Variants in GSG1L observed in about 807,000 individuals in gnomAD.
GSG1L encodes germ cell-specific gene 1-like protein.
In GSG1L, 24 loss-of-function variants were observed where a neutral mutation model predicts 42.1. The ratio of observed to expected loss-of-function variants is 0.57; its 90% CI spans 0.41 to 0.80. GSG1L has a LOEUF of 0.80. GSG1L is among the 30% of genes least tolerant of loss of function. GSG1L has a pLI of 0.00. For synonymous variants in GSG1L, 215 were observed against 203.5 expected (o/e 1.06, Z -0.48); for missense variants, 445 against 472.2 (o/e 0.94, Z 0.53).
intron 1 of GSG1L, among the ~76,000 whole-genome samples, chr16:27,995,540 A>G (rs1323518353): frequency 1.3e-5 from 2 of 152,156 alleles, no homozygotes; most frequent in African/African-American, 4.8e-5. Context: ...GAAACCTAAT[A>G]TCAGAAAGAT....
chr16:27,844,902 C>T, intron 4 of GSG1L, 48 bp downstream of exon 4: 1 of 1,080,694 alleles, frequency 9.3e-7, no homozygotes, highest in Non-Finnish European at 1.3e-6. Context: ...CCCAGCGTGC[C>T]TTGGGCCCTG....
At chr16:28,039,969 T>G (rs2086088899) in intron 1 of GSG1L, among the ~76,000 whole-genome samples, 1 of 152,156 alleles carries the variant, frequency 6.6e-6, no homozygotes, top group African/African-American at 2.4e-5. Context: ...TCCCTCGTTT[T>G]TCTCCATCTC....
intron 5 of GSG1L, 41 bp downstream of exon 5, chr16:27,828,748 G>C: frequency 6.3e-7 from 1 of 1,586,162 alleles, no homozygotes; most frequent in South Asian, 1.1e-5. Context: ...GTGGGCTTTA[G>C]AGTCCCCGTG....
chr16:27,855,784 T>C (rs1180081677), intron 3 of GSG1L, among the ~76,000 whole-genome samples: 1 of 150,806 alleles, frequency 6.6e-6, no homozygotes, highest in Non-Finnish European at 1.5e-5. Flanking sequence ...TGTGAGTTTC[T>C]GCTCCAGTGG....
intron 1 of GSG1L, among the ~76,000 whole-genome samples, chr16:28,007,968 A>AAC (rs2085664928): frequency 6.6e-6 from 1 of 152,216 alleles, no homozygotes; most frequent in Admixed American, 6.5e-5. Flanking sequence ...AAGGGTGTTA[A>AAC]GTGAAAGTAC....
intron 4 of GSG1L, among the ~76,000 whole-genome samples, chr16:27,830,810 C>T (rs1002616437): frequency 6.6e-6 from 1 of 152,226 alleles, no homozygotes; most frequent in Non-Finnish European, 1.5e-5. Flanking sequence ...ATGATGGAAA[C>T]TCAGAACCCG....
intron 2 of GSG1L, among the ~76,000 whole-genome samples, chr16:27,926,734 T>G (rs1045368210): frequency 6.6e-6 from 1 of 152,022 alleles, no homozygotes. Context: ...GGAATCCCAC[T>G]GGAGAAGCAA....
At chr16:27,847,479 T>A (rs2083456526) in intron 3 of GSG1L, among the ~76,000 whole-genome samples, 1 of 152,146 alleles carries the variant, frequency 6.6e-6, no homozygotes. Context: ...CCAGGAGTGT[T>A]GAGTCCAGGG....
At chr16:28,006,094 G>A (rs2085634239) in intron 1 of GSG1L, among the ~76,000 whole-genome samples, 3 of 152,066 alleles carry the variant, frequency 2.0e-5, no homozygotes, top group Admixed American at 2.0e-4. Context: ...TGGAGAAGAC[G>A]GGGTGGGGGG....
rs530117582 is a variant in GSG1L, at chr16:28,000,136, A to G, written c.350-36933T>C. Among the ~76,000 whole-genome samples the G allele has an allele frequency of 1.1e-4, 16 of 152,292 alleles. No homozygotes were observed. In the East Asian group the frequency reaches 3.1e-3, roughly 29 times the overall value. On this transcript the variant is annotated intron_variant, in intron 1 of 6. Transcript: ENST00000447459. The stretch of plus-strand genomic sequence containing the variant: ...GTCTGCAGCATAGAACCAGCCCTTA[A>G]CCATTACTTGCTCACATGTGACATT...
chr16:27,853,205 A>G (rs1426790556), intron 3 of GSG1L, among the ~76,000 whole-genome samples: 4 of 152,212 alleles, frequency 2.6e-5, no homozygotes, highest in Non-Finnish European at 5.9e-5. Flanking sequence ...GACGGAGACC[A>G]AAGCCTGGCT....
intron 1 of GSG1L, among the ~76,000 whole-genome samples, chr16:27,997,618 G>C (rs190274114): frequency 6.6e-5 from 10 of 151,810 alleles, no homozygotes; most frequent in African/African-American, 2.4e-4. Context: ...TCACGGGTTG[G>C]GTTACAAAGT....
chr16:28,040,544 G>C lies in GSG1L; in HGVS notation c.349+22532C>G, dbSNP rs1172016374. 6.6e-6 allele frequency among the ~76,000 whole-genome samples: 1 copy of C among 152,190 alleles called. No individual in the cohort carries two copies. The highest frequency in any genetic ancestry group is 1.9e-4 in the East Asian group (1 of 5,196). ...AATAATAATAATAGAAAAAAATGGT[G>C]CCTGGCATACAGTATGCACTCAAAA... On this transcript the variant is annotated intron_variant, in intron 1 of 6. Coordinates refer to ENST00000447459, the MANE Select transcript of GSG1L (RefSeq NM_001109763.2). This position sits in a 1 kb window ranked among gnomAD's most constrained non-coding sequence, Gnocchi z 4.1.
At chr16:27,854,326 A>AGGGGGAGGAGGAGGGGGACG (rs2083548540) in intron 3 of GSG1L, among the ~76,000 whole-genome samples, 1 of 90,650 alleles carries the variant, frequency 1.1e-5, no homozygotes, top group African/African-American at 4.5e-5. Context: ...GAGAAGGAAA[A>AGGGGGAGGAGGAGGGGGACG]GGGGGAGGAG....
At chr16:27,836,198 T>C (rs2083318720) in intron 4 of GSG1L, among the ~76,000 whole-genome samples, 1 of 152,152 alleles carries the variant, frequency 6.6e-6, no homozygotes, top group Non-Finnish European at 1.5e-5. Flanking sequence ...CTAGCCTCCA[T>C]GGTTTCTGAT....
At chr16:28,031,773 G>A (rs571787161) in intron 1 of GSG1L, among the ~76,000 whole-genome samples, 3 of 152,222 alleles carry the variant, frequency 2.0e-5, no homozygotes, top group South Asian at 4.1e-4. Context: ...AGTTAATGCC[G>A]CCTTATATAA....
intron 1 of GSG1L, among the ~76,000 whole-genome samples, chr16:28,055,158 A>G (rs1389282741): frequency 6.6e-6 from 1 of 151,770 alleles, no homozygotes; most frequent in African/African-American, 2.4e-5. Context: ...TTCTATTTTT[A>G]TTTTTATTTA....
chr16:27,845,814 C>A (rs1034209537), intron 3 of GSG1L, among the ~76,000 whole-genome samples: 2 of 152,066 alleles, frequency 1.3e-5, no homozygotes, highest in South Asian at 2.1e-4. Flanking sequence ...TTTTAAAAAT[C>A]TTTTTCCTTA....
intron 1 of GSG1L, among the ~76,000 whole-genome samples, chr16:27,983,924 G>A (rs1027166421): frequency 2.0e-5 from 3 of 152,046 alleles, no homozygotes; most frequent in Non-Finnish European, 2.9e-5. Flanking sequence ...TTTGACTCCC[G>A]CAGCAAGGTC....
Sources: gnomAD v4.1 joint callset for allele counts (sites outside exome capture counted in the v4.1 genomes callset) on GRCh38, gnomAD v4.1.1 for gene constraint, Gnocchi (gnomAD v3.1) non-coding constraint, MANE v1.5 for transcripts, NCBI Gene and HGNC (gene_info 2026-07-23, HGNC 2026-07-21) for gene names.